CSMD1: variants seen among roughly 807,000 people sequenced by gnomAD.
CSMD1 encodes the protein CUB and sushi domain-containing protein 1.
Under a neutral mutation model 417.5 loss-of-function variants are expected in CSMD1, and 213 were observed. The observed-to-expected ratio is 0.51, with a 90% CI of 0.46 to 0.57. The LOEUF is 0.57. CSMD1 is among the 20% of genes least tolerant of loss of function. The pLI is 0.00. For synonymous variants in CSMD1, 2,862 were observed against 1,736.8 expected, an observed-to-expected ratio of 1.65 and a Z score of -16.11; for missense variants, 6,923 against 4,529.7, an observed-to-expected ratio of 1.53 and a Z score of -15.17.
At chr8:3,199,240 T>G (rs374307139) in intron 33 of CSMD1, among the ~76,000 whole-genome samples, 51 of 152,306 alleles carry the variant, frequency 3.3e-4, no homozygotes, top group African/African-American at 1.2e-3. Context: ...TTAGTTAGGA[T>G]AAGAGATGCA....
chr8:4,454,151 G>A (rs768786425), intron 2 of CSMD1, among the ~76,000 whole-genome samples: 5 of 151,838 alleles, frequency 3.3e-5, no homozygotes, highest in Non-Finnish European at 5.9e-5. Context: ...CTCCTACTCT[G>A]TGAGCAGATT....
intron 3 of CSMD1, among the ~76,000 whole-genome samples, chr8:4,280,727 A>G (rs1445879714): frequency 1.3e-5 from 2 of 152,254 alleles, no homozygotes; most frequent in Non-Finnish European, 2.9e-5. Context: ...AGCCATAAAT[A>G]TAATTGTACT....
intron 4 of CSMD1, among the ~76,000 whole-genome samples, chr8:4,030,928 GC>G (rs1365847531): frequency 6.6e-6 from 1 of 152,122 alleles, no homozygotes; most frequent in Non-Finnish European, 1.5e-5. Context: ...GGGGCAAAAT[GC>G]CATCAGTCTT....
intron 2 of CSMD1, among the ~76,000 whole-genome samples, chr8:4,527,284 G>A (rs78004380): frequency 0.039 from 5,981 of 152,176 alleles, 364 homozygotes; most frequent in African/African-American, 0.13. Context: ...TATATGATCA[G>A]GAATGAGCTG....
intron 2 of CSMD1, among the ~76,000 whole-genome samples, chr8:4,505,433 A>G (rs1408898973): frequency 6.6e-6 from 1 of 152,210 alleles, no homozygotes; most frequent in Non-Finnish European, 1.5e-5. Context: ...GAAACAAAAT[A>G]TCTCGATTTA....
chr8:3,964,412 G>A (rs1248981189), intron 5 of CSMD1, among the ~76,000 whole-genome samples: 1 of 152,110 alleles, frequency 6.6e-6, no homozygotes, highest in East Asian at 1.9e-4. Context: ...CATAGCTCCT[G>A]TTTTTTGACT....
chr8:3,401,842 G>C (rs1015035200), intron 15 of CSMD1, among the ~76,000 whole-genome samples: 8 of 151,930 alleles, frequency 5.3e-5, no homozygotes, highest in African/African-American at 1.5e-4. Flanking sequence ...ACCTGATGGA[G>C]ACCAAAAATA....
chr8:4,885,849 G>A (rs1230476671), intron 1 of CSMD1, among the ~76,000 whole-genome samples: 2 of 151,786 alleles, frequency 1.3e-5, no homozygotes, highest in Admixed American at 1.3e-4. Flanking sequence ...TTGTGTTTTT[G>A]CTCTTATCTG....
intron 1 of CSMD1, among the ~76,000 whole-genome samples, chr8:4,675,011 C>G (rs1403089303): frequency 1.3e-5 from 2 of 152,152 alleles, no homozygotes; most frequent in African/African-American, 4.8e-5. Flanking sequence ...AGAGCCTTCC[C>G]CAGGGAACTA....
In CSMD1 at chr8:3,188,910, C is replaced by G; in HGVS notation, c.5500G>C (p.Val1834Leu). 6.3e-7 allele frequency: 1 copy of G among 1,594,466 alleles called. No individual in the cohort carries two copies. The highest frequency in any genetic ancestry group is 8.5e-7 in the Non-Finnish European group (1 of 1,170,056). The change falls in exon 35 of 70, where the codon GTT (valine) becomes CTT (leucine). Residue 1834 changes from valine to leucine, a missense_variant. Transcript: ENST00000635120. Reference sequence around the variant, plus strand: ...ACCTGAATTCCCGAGCCCTCCGTAACTATGATCTTCCATATACAGTTCAAG... The same window carrying G: ...ACCTGAATTCCCGAGCCCTCCGTAAGTATGATCTTCCATATACAGTTCAAG... ...NNLNCIWKII[V>L]TEGSGIQIQV...
At chr8:3,359,020 A>G in intron 21 of CSMD1, 132 bp downstream of exon 21, 1 of 754,142 alleles carries the variant, frequency 1.3e-6, no homozygotes, top group South Asian at 1.8e-5. Context: ...TGGTTGGCAG[A>G]GTGGAGCCCA....
intron 5 of CSMD1, among the ~76,000 whole-genome samples, chr8:3,803,813 T>C (rs2129073722): frequency 6.6e-6 from 1 of 152,300 alleles, no homozygotes; most frequent in East Asian, 1.9e-4. Flanking sequence ...ATGTGGAGAA[T>C]GGACCACTGT....
At chr8:4,264,979 G>T (rs1024410435) in intron 3 of CSMD1, among the ~76,000 whole-genome samples, 5 of 152,098 alleles carry the variant, frequency 3.3e-5, no homozygotes, top group African/African-American at 1.2e-4. Context: ...AGCTGAATTA[G>T]CAACAATTAA....
At chr8:4,390,761 T>G (rs1380498567) in intron 3 of CSMD1, among the ~76,000 whole-genome samples, 8 of 151,820 alleles carry the variant, frequency 5.3e-5, no homozygotes, top group Non-Finnish European at 1.2e-4. Context: ...CAGGATGGTC[T>G]CAATCTTCTG....
At chr8:4,147,072 C>T (rs1804182136) in intron 3 of CSMD1, among the ~76,000 whole-genome samples, 1 of 151,920 alleles carries the variant, frequency 6.6e-6, no homozygotes, top group Admixed American at 6.6e-5. Flanking sequence ...GCCCTAACTC[C>T]AGCTGTCCTC....
In CSMD1 at chr8:3,214,699, A is replaced by C; in HGVS notation, c.4673-8T>G. On this transcript the variant is annotated splice_polypyrimidine_tract_variant and splice_region_variant and intron_variant, in intron 29 of 69. Transcript: ENST00000635120. Reference sequence around the variant, plus strand: ...AAGCTTCCCGTGGTTTCTCTGTGGAAGAAATGAATGTAAACTGCATGAGAG... The same window carrying C: ...AAGCTTCCCGTGGTTTCTCTGTGGACGAAATGAATGTAAACTGCATGAGAG... 15 of 1,547,240 alleles carry C rather than the reference A, an allele frequency of 9.7e-6. No homozygotes were observed. The highest frequency in any genetic ancestry group is 1.3e-5 in the Non-Finnish European group (15 of 1,144,536).
chr8:3,480,542 T>G (rs536918206), intron 11 of CSMD1, among the ~76,000 whole-genome samples: 1 of 152,178 alleles, frequency 6.6e-6, no homozygotes, highest in African/African-American at 2.4e-5. Context: ...TGCTGAAAAC[T>G]TACCAAATTT....
At chr8:3,619,969 G>A (rs1216050451) in intron 7 of CSMD1, among the ~76,000 whole-genome samples, 1 of 152,170 alleles carries the variant, frequency 6.6e-6, no homozygotes, top group East Asian at 1.9e-4. Context: ...AGGCATGGTG[G>A]CAGGCACCTG....
At chr8:4,914,819 G>A (rs983394713) in intron 1 of CSMD1, among the ~76,000 whole-genome samples, 2 of 152,112 alleles carry the variant, frequency 1.3e-5, no homozygotes, top group Non-Finnish European at 2.9e-5. Context: ...CTGTGGCAGA[G>A]GCCTGTGGAC....
Sources: allele counts gnomAD v4.1 joint callset (sites outside exome capture counted in the v4.1 genomes callset), GRCh38; gene constraint gnomAD v4.1.1; transcripts MANE v1.5; gene names NCBI Gene and HGNC (gene_info 2026-07-23, HGNC 2026-07-21).